Variants in ZBP1 observed in about 807,000 individuals in gnomAD.
The protein encoded by ZBP1 is Z-DNA binding protein 1.
ZBP1 carries 42 observed loss-of-function variants against 41.1 expected under a neutral mutation model. The observed-to-expected ratio is 1.02, with a 90% CI of 0.80 to 1.32. The LOEUF (loss-of-function observed/expected upper bound fraction) is 1.32. ZBP1 is among the 40% of genes most tolerant of loss of function. The pLI is 0.00. For synonymous variants in ZBP1, 214 were observed against 205.2 expected, an observed-to-expected ratio of 1.04 and a Z score of -0.37; for missense variants, 562 against 549.7, an observed-to-expected ratio of 1.02 and a Z score of -0.22.
intron 5 of ZBP1, chr20:57,612,772 A>G (rs1255733777): frequency 8.7e-6 from 4 of 460,320 alleles, no homozygotes; most frequent in African/African-American, 4.2e-5. Flanking sequence ...ACGGTACTAC[A>G]ATAACCTCCC....
Position 57,615,074 on chromosome 20 carries a change from TG to T in ZBP1, c.329-15del. ...AGATGTCTTCCTCTGGGAGGCAGGA[TG>T]GCCAGGTGGTTAGGGAGTAGTCCTA... is the stretch of plus-strand genomic sequence containing the variant. On this transcript the variant is annotated splice_polypyrimidine_tract_variant and intron_variant, in intron 3 of 7. Transcript: ENST00000371173. 1.2e-6 allele frequency: 2 copies of T among 1,614,046 alleles called. No individual in the cohort carries two copies. The highest frequency in any genetic ancestry group is 2.2e-5 in the South Asian group (2 of 91,072).
intron 3 of ZBP1, 57 bp downstream of exon 3, chr20:57,615,455 G>C (rs1240868238): frequency 6.3e-7 from 1 of 1,578,562 alleles, no homozygotes; most frequent in Non-Finnish European, 8.7e-7. Context: ...AGGGCCTGGG[G>C]TTCCTGGGGA....
In ZBP1 at chr20:57,604,728, G is replaced by A. The variant is rs778140366; in HGVS notation, c.1135C>T (p.Arg379Ter). 1.2e-5 allele frequency: 20 copies of A among 1,614,032 alleles called. No homozygotes were observed. The highest frequency in any genetic ancestry group is 9.3e-5 in the African/African-American group (7 of 74,912). The change falls in exon 8 of 8, where the codon CGA (arginine) becomes TGA (stop). Residue 379 changes from arginine to a stop codon, truncating the protein, a stop_gained. Coordinates refer to ENST00000371173, the MANE Select transcript of ZBP1 (RefSeq NM_030776.3). LOFTEE classifies it low-confidence loss of function (END_TRUNC). ...GGAGTGATGGGCTGACCAATGTCTC[G>A]AGGAAAGTGACTTCTGGATTGTGTG... ...ADTQSRSHFP[R>*]DIGQPITPSH...
rs539015545 is a variant in ZBP1, at chr20:57,611,850, G to T, written c.751C>A (p.Pro251Thr). The change falls in exon 6 of 8, where the codon CCC becomes ACC. Residue 251 changes from proline (P) to threonine (T), a missense_variant. Transcript: ENST00000371173. Reference protein sequence around the residue: ...TWGTLVDPWGPQDIHMEQSIL... With the variant: ...TWGTLVDPWGTQDIHMEQSIL... ...GACTGCTCCATGTGGATGTCCTGGGGCCCCCAGGGATCAACTAGGGTCCCC... is the reference window on the plus strand; with the variant it reads ...GACTGCTCCATGTGGATGTCCTGGGTCCCCCAGGGATCAACTAGGGTCCCC... 6.3e-7 allele frequency: 1 copy of T among 1,597,290 alleles called. No individual in the cohort carries two copies. The highest frequency in any genetic ancestry group is 8.5e-7 in the Non-Finnish European group (1 of 1,171,924).
chr20:57,607,445 C>T, intron 7 of ZBP1: 1 of 1,092,594 alleles, frequency 9.2e-7, no homozygotes, highest in Non-Finnish European at 1.2e-6. Flanking sequence ...CTTGAGATGG[C>T]ATCTATTCCT....
In ZBP1 at chr20:57,620,403, G is replaced by A. The variant is rs568951815; in HGVS notation, c.-108C>T. The stretch of plus-strand genomic sequence containing the variant: ...CGAGGCTGGGGCTTCTGAAGTGGCC[G>A]AGCCTGGTGCTTCTTGCAGCTCTGA... On this transcript the variant is annotated 5_prime_UTR_variant, in exon 1 of 8. Transcript: ENST00000371173. The A allele has an allele frequency of 5.8e-5, 73 of 1,253,736 alleles. No individual in the cohort carries two copies. In the African/African-American group the frequency reaches 9.3e-4, roughly 16 times the overall value. 77.7% of individuals were successfully genotyped at this position (1,253,736 alleles called of 1,614,324 possible). A position where few individuals can be genotyped will look rare whatever the true frequency, so the allele number is the denominator to read the frequency against.
In ZBP1 at chr20:57,619,453, C is replaced by T. The variant is rs78517931; in HGVS notation, c.34+809G>A. On this transcript the variant is annotated intron_variant, in intron 1 of 7. Coordinates refer to ENST00000371173, the MANE Select transcript of ZBP1 (RefSeq NM_030776.3). ...ACCACACTTCACCTACAGTCCACAG[C>T]GCTTAGTGGAGACCCTAGAGAACAG... Among the ~76,000 whole-genome samples the T allele has an allele frequency of 6.1e-3, 923 of 152,308 alleles. 39 individuals carry two copies. Among genetic ancestry groups the T allele is most frequent in the Admixed American group, 0.05 (761 of 15,300 alleles).
chr20:57,609,341 C>T (rs574026711), intron 7 of ZBP1, among the ~76,000 whole-genome samples: 97 of 152,254 alleles, frequency 6.4e-4, no homozygotes, highest in African/African-American at 2.1e-3. Context: ...GACGGTGAAC[C>T]GCACTGGTTT....
In ZBP1 at chr20:57,616,060, C is replaced by T. The variant is rs983138869; in HGVS notation, c.259+184G>A. Reference sequence around the variant, plus strand: ...CTGACGCAGGGCCTCCTCTCAGCAACCCCTACCAAGCAGCCCTGCTGTGAG... The same window carrying T: ...CTGACGCAGGGCCTCCTCTCAGCAATCCCTACCAAGCAGCCCTGCTGTGAG... On this transcript the variant is annotated intron_variant, in intron 2 of 7. Coordinates refer to ENST00000371173, the MANE Select transcript of ZBP1 (RefSeq NM_030776.3). 1.2e-5 allele frequency: 8 copies of T among 640,606 alleles called. No individual in the cohort carries two copies. In the African/African-American group the frequency reaches 1.3e-4, roughly 10 times the overall value. The allele number at this position is 640,606 out of a possible 1,614,324, so 39.7% of individuals were successfully genotyped here. A position where few individuals can be genotyped will look rare whatever the true frequency, so the allele number is the denominator to read the frequency against.
chr20:57,605,443 C>A lies in ZBP1; in HGVS notation c.1094-674G>T, dbSNP rs192880553. 1.8e-3 allele frequency among the ~76,000 whole-genome samples: 275 copies of A among 152,268 alleles called. 1 individual carries two copies. The highest frequency in any genetic ancestry group is 2.9e-3 in the Non-Finnish European group (198 of 68,026). Reference sequence around the variant, plus strand: ...TTATATGTGTTATGGTGATCTGTGACCAGTGATCTTTGATGTTGCTATTAT... The same window carrying A: ...TTATATGTGTTATGGTGATCTGTGAACAGTGATCTTTGATGTTGCTATTAT... On this transcript the variant is annotated intron_variant, in intron 7 of 7. Coordinates refer to ENST00000371173, the MANE Select transcript of ZBP1 (RefSeq NM_030776.3).
At chr20:57,612,008 T>C in intron 5 of ZBP1, 78 bp from the exon 6 acceptor site, 2 of 1,442,350 alleles carry the variant, frequency 1.4e-6, no homozygotes, top group South Asian at 1.3e-5. Context: ...CACGCAGGCC[T>C]GTCCTCTGAA....
At chr20:57,615,750 T>TGCA in intron 2 of ZBP1, 170 bp from the exon 3 acceptor site, 1 of 576,462 alleles carries the variant, frequency 1.7e-6, no homozygotes, top group Non-Finnish European at 3.0e-6. Context: ...CCCTGGCAGC[T>TGCA]GCGGCTTCCT....
intron 7 of ZBP1, among the ~76,000 whole-genome samples, chr20:57,609,865 C>T (rs6025661): frequency 0.017 from 2,609 of 152,266 alleles, 68 homozygotes; most frequent in African/African-American, 0.054. Flanking sequence ...TTACCCCAGT[C>T]TTGCAACCAC....
intron 1 of ZBP1, 127 bp from the exon 2 acceptor site, chr20:57,616,595 G>T (rs2070839790): frequency 2.2e-6 from 2 of 910,294 alleles, no homozygotes; most frequent in Non-Finnish European, 3.3e-6. Context: ...AGAGGAAAGG[G>T]CAAGGACCCC....
rs1408707624 is a variant in ZBP1, at chr20:57,613,520, C to T, written c.503-190G>A. Among the ~76,000 whole-genome samples the T allele has an allele frequency of 2.0e-5, 3 of 152,196 alleles. No homozygotes were observed. The highest frequency in any genetic ancestry group is 6.5e-5 in the Admixed American group (1 of 15,282). ...ACCACAGGTACCTCAGAGGGAGCCT[C>T]ACTTGAAAATAGCCACTGTGAGTCA... is the stretch of plus-strand genomic sequence containing the variant. On this transcript the variant is annotated intron_variant, in intron 4 of 7. Coordinates refer to ENST00000371173, the MANE Select transcript of ZBP1 (RefSeq NM_030776.3). The surrounding 1 kb of genome is among the most constrained non-coding windows in gnomAD (Gnocchi z 4.5).
chr20:57,615,242 T>TGGTGAGG, intron 3 of ZBP1, 182 bp from the exon 4 acceptor site: 2 of 731,920 alleles, frequency 2.7e-6, no homozygotes, highest in Non-Finnish European at 4.5e-6. Flanking sequence ...GGGTGGGGGA[T>TGGTGAGG]GTGCACAGAG....
rs1016416687 is a variant in ZBP1, at chr20:57,616,458, T to C, written c.45A>G (p.Glu15=). The C allele has an allele frequency of 1.9e-6, 3 of 1,613,400 alleles. No individual in the cohort carries two copies. Among genetic ancestry groups the C allele is most frequent in the East Asian group, 2.2e-5 (1 of 44,886 alleles). Residue 15 remains glutamate, a synonymous_variant, in exon 2 of 8, where the codon GAA becomes GAG. Coordinates refer to ENST00000371173, the MANE Select transcript of ZBP1 (RefSeq NM_030776.3). ...CTGTCAGCACCTGCAGGATTCTTTG[T>C]TCAAGGTGGCCTGGGGGAGCGAGCG... ...PADPGREGHL[E]QRILQVLTEA...
chr20:57,614,848 T>G, intron 4 of ZBP1, 39 bp downstream of exon 4: 1 of 1,610,518 alleles, frequency 6.2e-7, no homozygotes, highest in Non-Finnish European at 8.5e-7. Flanking sequence ...GTGTCATGGT[T>G]TCCCTCTGCA....
At chr20:57,616,611 A>G (rs1217299721) in intron 1 of ZBP1, 143 bp from the exon 2 acceptor site, 1 of 760,662 alleles carries the variant, frequency 1.3e-6, no homozygotes, top group African/African-American at 1.8e-5. Flanking sequence ...ACCCCAGCAG[A>G]TGCCCCCTAA....
Sources: allele counts gnomAD v4.1 joint callset (sites outside exome capture counted in the v4.1 genomes callset), GRCh38; gene constraint gnomAD v4.1.1; non-coding constraint Gnocchi (gnomAD v3.1); transcripts MANE v1.5; gene names NCBI Gene and HGNC (gene_info 2026-07-23, HGNC 2026-07-21).